Variants in NR2C2 observed in about 807,000 individuals in gnomAD.
NR2C2 encodes nuclear receptor subfamily 2 group C member 2.
NR2C2 carries 6 observed loss-of-function variants against 62.9 expected under a neutral mutation model. That is an observed-to-expected ratio of 0.10 (90% CI 0.05 to 0.19). The LOEUF is 0.19. Ranked by LOEUF, NR2C2 falls within the 10% of genes least tolerant of loss-of-function variation. The pLI, the probability that NR2C2 is intolerant of heterozygous loss-of-function variation, is 1.00. For missense variants in NR2C2, 479 were observed against 762.7 expected (o/e 0.63, Z 4.38); for synonymous variants, 272 against 273.8 (o/e 0.99, Z 0.07).
intron 2 of NR2C2, among the ~76,000 whole-genome samples, chr3:15,007,142 T>C (rs1574995109): frequency 1.3e-5 from 2 of 149,424 alleles, no homozygotes; most frequent in East Asian, 4.0e-4. Flanking sequence ...TTTTTTTTTT[T>C]TTTGAGGCGG....
chr3:15,039,529 T>C (rs2042195705), intron 13 of NR2C2, among the ~76,000 whole-genome samples: 1 of 152,158 alleles, frequency 6.6e-6, no homozygotes, highest in African/African-American at 2.4e-5. Context: ...ACTCTTTAAT[T>C]GGAGGAGTTG....
chr3:14,996,613 C>T (rs1379836730), intron 1 of NR2C2, among the ~76,000 whole-genome samples: 1 of 152,212 alleles, frequency 6.6e-6, no homozygotes, highest in African/African-American at 2.4e-5. Flanking sequence ...CTCTGTCCCC[C>T]AGGCTGGAGT....
chr3:15,022,714 C>CT (rs927546413), intron 5 of NR2C2, among the ~76,000 whole-genome samples: 2 of 152,054 alleles, frequency 1.3e-5, no homozygotes, highest in Admixed American at 6.6e-5. Flanking sequence ...TTGAAAGAGT[C>CT]TATTTTGTTA....
chr3:15,032,285 C>T lies in NR2C2; in HGVS notation c.1111-94C>T, dbSNP rs1428089074. ...AATCAGACAGCAACTCTAGATGCCA[C>T]TGCTATTGAAGCATGACAGGGATAC... On this transcript the variant is annotated intron_variant, in intron 9 of 13. Coordinates refer to ENST00000425241, the MANE Select transcript of NR2C2 (RefSeq NM_001291694.2). 8.6e-5 allele frequency: 133 copies of T among 1,551,022 alleles called. 1 individual carries two copies. Among genetic ancestry groups the T allele is most frequent in the Non-Finnish European group, 6.4e-5 (72 of 1,127,332 alleles).
chr3:15,038,018 G>A lies in NR2C2; in HGVS notation c.1391G>A (p.Arg464Gln), dbSNP rs776163120. Residue 464 changes from arginine (R) to glutamine (Q), a missense_variant, in exon 12 of 14, where the codon CGG becomes CAG. Around this residue, in one of 4 missense-constraint regions of NR2C2, gnomAD observed 162 missense variants for 296.8 expected, o/e 0.55. Coordinates refer to ENST00000425241, the MANE Select transcript of NR2C2 (RefSeq NM_001291694.2). ...SIQEDKLSGD[R>Q]IKQVMEHIWK... Reference sequence around the variant, plus strand: ...TTTCTAGATAAACTTTCTGGTGACCGGATAAAGCAAGTCATGGAGCACATC... The same window carrying A: ...TTTCTAGATAAACTTTCTGGTGACCAGATAAAGCAAGTCATGGAGCACATC... The A allele has an allele frequency of 9.9e-6, 16 of 1,613,374 alleles. No homozygotes were observed. Among genetic ancestry groups the A allele is most frequent in the Admixed American group, 5.0e-5 (3 of 59,888 alleles).
At chr3:14,955,417 T>C (rs2039494906) in intron 1 of NR2C2, among the ~76,000 whole-genome samples, 1 of 152,200 alleles carries the variant, frequency 6.6e-6, no homozygotes, top group South Asian at 2.1e-4. Context: ...TTCCCTTAGA[T>C]AATTCTTTCC....
intron 13 of NR2C2, among the ~76,000 whole-genome samples, chr3:15,041,593 C>T (rs2042268157): frequency 6.6e-6 from 1 of 152,188 alleles, no homozygotes; most frequent in Non-Finnish European, 1.5e-5. Flanking sequence ...GTGACTCACA[C>T]CTGTAATTCC....
intron 1 of NR2C2, among the ~76,000 whole-genome samples, chr3:15,000,866 A>G (rs911883161): frequency 3.5e-4 from 52 of 147,302 alleles, no homozygotes; most frequent in Non-Finnish European, 7.1e-4. Flanking sequence ...CAAGGCTGGA[A>G]TGCAGTGGCA....
chr3:15,007,701 C>T (rs2041225543), intron 2 of NR2C2, among the ~76,000 whole-genome samples: 1 of 152,092 alleles, frequency 6.6e-6, no homozygotes, highest in Non-Finnish European at 1.5e-5. Flanking sequence ...AAAGTCTTGA[C>T]TTTTTCCTCA....
intron 2 of NR2C2, among the ~76,000 whole-genome samples, chr3:15,008,815 A>C (rs910321375): frequency 1.3e-5 from 2 of 152,224 alleles, no homozygotes; most frequent in African/African-American, 4.8e-5. Context: ...CACAGGACTG[A>C]TTGGAAAAAA....
At chr3:14,954,619 A>C (rs943121486) in intron 1 of NR2C2, among the ~76,000 whole-genome samples, 2 of 152,242 alleles carry the variant, frequency 1.3e-5, no homozygotes, top group Admixed American at 1.3e-4. Context: ...CATACCAAAA[A>C]GTGTATTATA....
chr3:15,015,143 C>T (rs190175178), intron 3 of NR2C2, among the ~76,000 whole-genome samples: 5 of 152,320 alleles, frequency 3.3e-5, no homozygotes, highest in Admixed American at 2.6e-4. Context: ...TTAGAGTACT[C>T]CTTGTCTGTG....
At chr3:14,999,695 G>A (rs114914052) in intron 1 of NR2C2, among the ~76,000 whole-genome samples, 1,820 of 151,766 alleles carry the variant, frequency 0.012, 20 homozygotes, top group South Asian at 0.03. Flanking sequence ...ATAGTGCAAG[G>A]TAGGTGTCCA....
In NR2C2 at chr3:15,016,269, G is replaced by A. The variant is rs1016562882; in HGVS notation, c.376+15G>A. The A allele has an allele frequency of 1.3e-6, 2 of 1,586,970 alleles. No homozygotes were observed. Among genetic ancestry groups the A allele is most frequent in the African/African-American group, 1.3e-5 (1 of 74,368 alleles). ...CAAAGCCTCCGGTATGTAGTTCCAG[G>A]TTATGCTGGCACTTATAATGGGCCA... On this transcript the variant is annotated intron_variant, in intron 4 of 13. Coordinates refer to ENST00000425241, the MANE Select transcript of NR2C2 (RefSeq NM_001291694.2).
At chr3:15,004,883 C>T (rs2041123651) in intron 2 of NR2C2, among the ~76,000 whole-genome samples, 1 of 152,010 alleles carries the variant, frequency 6.6e-6, no homozygotes, top group Admixed American at 6.6e-5. Flanking sequence ...GAGAATTAAC[C>T]CCTTTCTTGC....
intron 1 of NR2C2, among the ~76,000 whole-genome samples, chr3:14,949,391 AT>A (rs898949858): frequency 6.6e-5 from 10 of 152,256 alleles, no homozygotes; most frequent in Admixed American, 6.5e-4. Flanking sequence ...GAGGAAGAGC[AT>A]TTGATGTGAT....
chr3:14,974,914 T>TA (rs2040158775), intron 1 of NR2C2, among the ~76,000 whole-genome samples: 2 of 152,324 alleles, frequency 1.3e-5, no homozygotes, highest in African/African-American at 2.4e-5. Context: ...AGTGTATACT[T>TA]ACGTTTTAAG....
rs915999819 is a variant in NR2C2 at position 15,046,862 on chromosome 3, A to G, written c.*3854A>G. On this transcript the variant is annotated 3_prime_UTR_variant, in exon 14 of 14. Coordinates refer to ENST00000425241, the MANE Select transcript of NR2C2 (RefSeq NM_001291694.2). ...TTCTCTCAGTTATGAGGCTCTTTGA[A>G]AATGTCTTAACTTTGATGTAAATTT... The G allele has an allele frequency of 6.6e-6, 1 of 152,620 alleles. No homozygotes were observed. The highest frequency in any genetic ancestry group is 2.4e-5 in the African/African-American group (1 of 41,448). 9.5% of individuals were successfully genotyped at this position (152,620 alleles called of 1,614,324 possible).
intron 1 of NR2C2, among the ~76,000 whole-genome samples, chr3:14,976,131 G>T (rs1207381156): frequency 6.6e-6 from 1 of 152,034 alleles, no homozygotes; most frequent in African/African-American, 2.4e-5. Flanking sequence ...CTGAGAATTT[G>T]TCCGTTTCAT....
Sources: allele counts gnomAD v4.1 joint callset (sites outside exome capture counted in the v4.1 genomes callset), GRCh38; gene constraint gnomAD v4.1.1; regional missense constraint gnomAD v4.1.1; transcripts MANE v1.5; gene names NCBI Gene and HGNC (gene_info 2026-07-23, HGNC 2026-07-21).